PXDNL: variants seen among roughly 807,000 people sequenced by gnomAD.
PXDNL encodes probable oxidoreductase PXDNL.
A neutral mutation model predicts 150.8 loss-of-function variants in PXDNL; 145 were observed. The ratio of observed to expected loss-of-function variants is 0.96; its 90% confidence interval spans 0.84 to 1.10. The LOEUF (loss-of-function observed/expected upper bound fraction) is 1.10. PXDNL is among the 50% of genes least tolerant of loss of function. PXDNL has a pLI of 0.00. For missense variants in PXDNL, 2,087 were observed against 1,873.9 expected (o/e 1.11, Z -2.10); for synonymous variants, 757 against 725.7 (o/e 1.04, Z -0.69).
rs77751100 is a variant in PXDNL, at chr8:51,400,182, T to C, written c.3557+7885A>G. The stretch of plus-strand genomic sequence containing the variant: ...CATACATAATGAGATATCATGGGAA[T>C]GGAACCCAACTCTAAACACCAAATT... On this transcript the variant is annotated intron_variant, in intron 17 of 22. Transcript: ENST00000356297. Among the ~76,000 whole-genome samples the C allele has an allele frequency of 4.9e-4, 75 of 152,300 alleles. No homozygotes were observed. In the East Asian group the frequency reaches 6.2e-3, roughly 13 times the overall value.
intron 12 of PXDNL, among the ~76,000 whole-genome samples, chr8:51,438,811 C>T (rs879824784): frequency 2.1e-4 from 31 of 150,686 alleles, no homozygotes; most frequent in Admixed American, 2.7e-4. Flanking sequence ...CAAACAAAAA[C>T]GTAAAGTGGG....
At chr8:51,626,544 T>C (rs757054410) in intron 2 of PXDNL, among the ~76,000 whole-genome samples, 4 of 152,156 alleles carry the variant, frequency 2.6e-5, no homozygotes, top group Admixed American at 6.5e-5. Context: ...GCAGCAGATA[T>C]GTGCCCTGTT....
chr8:51,450,953 A>T (rs1359014753), intron 10 of PXDNL, among the ~76,000 whole-genome samples: 1 of 152,184 alleles, frequency 6.6e-6, no homozygotes, highest in Non-Finnish European at 1.5e-5. Flanking sequence ...GGAACAACTT[A>T]AAAAGAACAA....
At chr8:51,568,654 G>A (rs1812871774) in intron 3 of PXDNL, among the ~76,000 whole-genome samples, 1 of 151,694 alleles carries the variant, frequency 6.6e-6, no homozygotes, top group Non-Finnish European at 1.5e-5. Flanking sequence ...ATTATTTTTG[G>A]AAAATTATCA....
intron 2 of PXDNL, among the ~76,000 whole-genome samples, chr8:51,600,270 G>T (rs184831325): frequency 8.0e-6 from 1 of 124,844 alleles, no homozygotes; most frequent in African/African-American, 3.4e-5. Flanking sequence ...AAATTATATC[G>T]TTTAGATAAT....
At chr8:51,541,738 C>A (rs868792921) in intron 4 of PXDNL, among the ~76,000 whole-genome samples, 1 of 152,120 alleles carries the variant, frequency 6.6e-6, no homozygotes, top group Non-Finnish European at 1.5e-5. Flanking sequence ...TGGTTGGGAA[C>A]CCTTCTCTGT....
chr8:51,451,370 C>T (rs1809805659), intron 10 of PXDNL, among the ~76,000 whole-genome samples: 1 of 152,124 alleles, frequency 6.6e-6, no homozygotes, highest in Non-Finnish European at 1.5e-5. Flanking sequence ...ATGAACATCA[C>T]CAAAGCAGGC....
intron 4 of PXDNL, among the ~76,000 whole-genome samples, chr8:51,544,239 G>A (rs1812299856): frequency 6.6e-6 from 1 of 152,146 alleles, no homozygotes; most frequent in Non-Finnish European, 1.5e-5. Flanking sequence ...ACAAAATCTG[G>A]GGTGGAGGGT....
At chr8:51,490,144 A>C (rs1485522241) in intron 5 of PXDNL, among the ~76,000 whole-genome samples, 1 of 152,252 alleles carries the variant, frequency 6.6e-6, no homozygotes, top group Non-Finnish European at 1.5e-5. Flanking sequence ...ATGTAAGAAA[A>C]TAACAGTTCA....
At chr8:51,804,797 C>A (rs117214903) in intron 1 of PXDNL, among the ~76,000 whole-genome samples, 1,862 of 152,226 alleles carry the variant, frequency 0.012, 29 homozygotes, top group Middle Eastern at 0.041. Context: ...GTAGGATATC[C>A]TGGCTCCACT....
intron 1 of PXDNL, among the ~76,000 whole-genome samples, chr8:51,674,043 G>T (rs907447656): frequency 1.3e-5 from 2 of 152,122 alleles, no homozygotes; most frequent in African/African-American, 4.8e-5. Context: ...GTATTTTCTT[G>T]CTTTCGATGG....
intron 5 of PXDNL, among the ~76,000 whole-genome samples, chr8:51,499,348 A>G (rs1357665011): frequency 6.6e-6 from 1 of 152,048 alleles, no homozygotes; most frequent in African/African-American, 2.4e-5. Context: ...CCAAGCTGGT[A>G]TCGAACTCCT....
chr8:51,681,277 TC>T (rs1265871889), intron 1 of PXDNL, among the ~76,000 whole-genome samples: 1 of 151,910 alleles, frequency 6.6e-6, no homozygotes, highest in Non-Finnish European at 1.5e-5. Flanking sequence ...CCTACGGAAG[TC>T]CCCATAAGAG....
intron 1 of PXDNL, among the ~76,000 whole-genome samples, chr8:51,709,261 T>C (rs530560523): frequency 8.1e-4 from 123 of 152,194 alleles, no homozygotes; most frequent in Middle Eastern, 3.4e-3. Context: ...TCCCTTTTTT[T>C]TTTTTCTTTT....
chr8:51,411,285 A>G lies in PXDNL; in HGVS notation c.2027T>C (p.Val676Ala). The change falls in exon 16 of 23, where the codon GTG becomes GCG. Residue 676 changes from valine (V) to alanine (A), a missense_variant. Transcript: ENST00000356297. Reference protein sequence around the residue: ...EHTLQLIRERVKQGLTVDLEG... With the variant: ...EHTLQLIRERAKQGLTVDLEG... Reference sequence around the variant, plus strand: ...CAAGTCCACAGTGAGCCCCTGCTTCACACGTTCCCGTATCAGCTGCAGCGT... The same window carrying G: ...CAAGTCCACAGTGAGCCCCTGCTTCGCACGTTCCCGTATCAGCTGCAGCGT... 6.5e-7 allele frequency: 1 copy of G among 1,541,546 alleles called. No individual in the cohort carries two copies. Among genetic ancestry groups the G allele is most frequent in the East Asian group, 2.5e-5 (1 of 40,744 alleles).
At chr8:51,382,764 A>G (rs1003737231) in intron 17 of PXDNL, among the ~76,000 whole-genome samples, 11 of 152,222 alleles carry the variant, frequency 7.2e-5, no homozygotes, top group African/African-American at 2.7e-4. Flanking sequence ...AGAAATAATA[A>G]TAATGGAAAT....
chr8:51,586,935 TC>T (rs2130642732), intron 3 of PXDNL, among the ~76,000 whole-genome samples: 1 of 152,320 alleles, frequency 6.6e-6, no homozygotes, highest in South Asian at 2.1e-4. Flanking sequence ...GGAATAAATT[TC>T]CTCTTTAAAT....
At chr8:51,537,572 G>C (rs549869620) in intron 4 of PXDNL, among the ~76,000 whole-genome samples, 25 of 152,092 alleles carry the variant, frequency 1.6e-4, no homozygotes, top group African/African-American at 4.6e-4. Context: ...AGAGCAACAG[G>C]GGGGAAGAGG....
At chr8:51,759,916 ACCT>A (rs1195354253) in intron 1 of PXDNL, among the ~76,000 whole-genome samples, 1 of 152,092 alleles carries the variant, frequency 6.6e-6, no homozygotes. Context: ...AATCCTGCTG[ACCT>A]CAGCCGCCCC....
Sources: gnomAD v4.1 joint callset for allele counts (sites outside exome capture counted in the v4.1 genomes callset) on GRCh38, gnomAD v4.1.1 for gene constraint, MANE v1.5 for transcripts, NCBI Gene and HGNC (gene_info 2026-07-23, HGNC 2026-07-21) for gene names.